The following WDFY2 variants were observed in gnomAD, a reference collection of about 807,000 sequenced individuals.
WDFY2 encodes the protein WD repeat and FYVE domain containing 2.
A neutral mutation model predicts 56.4 loss-of-function variants in WDFY2; 36 were observed. The observed-to-expected ratio is 0.64, with a 90% CI of 0.49 to 0.84. The LOEUF is 0.84. WDFY2 is among the 40% of genes least tolerant of loss of function. The pLI, the probability that WDFY2 is intolerant of heterozygous loss-of-function variation, is 0.00. For missense variants in WDFY2, 444 were observed against 512.2 expected (o/e 0.87, Z 1.29); for synonymous variants, 176 against 183.7 (o/e 0.96, Z 0.34).
intron 2 of WDFY2, among the ~76,000 whole-genome samples, chr13:51,665,774 G>A (rs1444960194): frequency 2.0e-5 from 3 of 152,186 alleles, no homozygotes; most frequent in Non-Finnish European, 4.4e-5. Context: ...GTGTGTTGGA[G>A]AATTGAAAAC....
intron 1 of WDFY2, among the ~76,000 whole-genome samples, chr13:51,608,558 T>C (rs1292467859): frequency 6.6e-6 from 1 of 152,210 alleles, no homozygotes; most frequent in Non-Finnish European, 1.5e-5. Flanking sequence ...GGCGCATGCC[T>C]GTAATCCAGC....
intron 3 of WDFY2, among the ~76,000 whole-genome samples, chr13:51,696,817 A>C (rs568208263): frequency 6.6e-6 from 1 of 152,360 alleles, no homozygotes; most frequent in East Asian, 1.9e-4. Context: ...GAAGTCATAA[A>C]CGAAAATATT....
intron 5 of WDFY2, among the ~76,000 whole-genome samples, chr13:51,726,508 A>ACT (rs1952608110): frequency 6.6e-6 from 1 of 151,990 alleles, no homozygotes; most frequent in African/African-American, 2.4e-5. Context: ...CTTGTTAGAG[A>ACT]CTCCATGCCT....
chr13:51,660,332 G>C (rs1292452655), intron 1 of WDFY2, among the ~76,000 whole-genome samples: 1 of 151,260 alleles, frequency 6.6e-6, no homozygotes, highest in South Asian at 2.1e-4. Context: ...GAGTAGATGG[G>C]ATTACAGGCG....
At chr13:51,619,172 G>GCCTACTTC (rs1172275804) in intron 1 of WDFY2, among the ~76,000 whole-genome samples, 9 of 152,196 alleles carry the variant, frequency 5.9e-5, no homozygotes. Flanking sequence ...AGAACTCGAG[G>GCCTACTTC]CTGCATGTGG....
intron 6 of WDFY2, 99 bp from the exon 7 acceptor site, chr13:51,738,950 C>T: frequency 1.5e-6 from 2 of 1,293,188 alleles, no homozygotes; most frequent in Non-Finnish European, 2.0e-6. Flanking sequence ...TATTGTATGC[C>T]AGGAACTGCA....
chr13:51,702,727 C>T (rs1367184477), intron 3 of WDFY2, among the ~76,000 whole-genome samples: 2 of 152,156 alleles, frequency 1.3e-5, no homozygotes, highest in Non-Finnish European at 2.9e-5. Context: ...ATCCTGTATG[C>T]TTCCAAATAT....
At chr13:51,659,787 A>G (rs1566085685) in intron 1 of WDFY2, among the ~76,000 whole-genome samples, 1 of 152,324 alleles carries the variant, frequency 6.6e-6, no homozygotes, top group East Asian at 1.9e-4. Context: ...AGAGCTTATA[A>G]TTACTTGAGC....
intron 1 of WDFY2, among the ~76,000 whole-genome samples, chr13:51,630,461 T>C (rs1257223106): frequency 6.6e-6 from 1 of 151,814 alleles, no homozygotes; most frequent in Non-Finnish European, 1.5e-5. Flanking sequence ...GAGTTCCCTT[T>C]CTTTCTTTTT....
At chr13:51,647,620 T>C (rs1161641153) in intron 1 of WDFY2, among the ~76,000 whole-genome samples, 1 of 151,966 alleles carries the variant, frequency 6.6e-6, no homozygotes, top group East Asian at 1.9e-4. Context: ...TAGCCAGGTA[T>C]GGTGGTGAGC....
chr13:51,718,093 G>A (rs1384045362), intron 4 of WDFY2, among the ~76,000 whole-genome samples: 3 of 152,180 alleles, frequency 2.0e-5, no homozygotes, highest in Admixed American at 6.5e-5. Context: ...CAGCAGAGCC[G>A]CATTTGTCCA....
rs1475292330 is a variant in WDFY2, at chr13:51,762,951, T to G, written c.*3182T>G. ...GTATCTTCACAATAGCAAAATGGTTTGAGATTAAGCATTTGGAATCTTATG... is the reference window on the plus strand; with the variant it reads ...GTATCTTCACAATAGCAAAATGGTTGGAGATTAAGCATTTGGAATCTTATG... On this transcript the variant is annotated 3_prime_UTR_variant, in exon 12 of 12. Transcript: ENST00000298125. The G allele has an allele frequency of 6.6e-6, 1 of 152,220 alleles. No individual in the cohort carries two copies. The highest frequency in any genetic ancestry group is 2.4e-5 in the African/African-American group (1 of 41,450). The allele number at this position is 152,220 out of a possible 1,614,324, so 9.4% of individuals were successfully genotyped here.
intron 1 of WDFY2, among the ~76,000 whole-genome samples, chr13:51,585,825 G>A (rs986116151): frequency 6.6e-6 from 1 of 152,166 alleles, no homozygotes; most frequent in Non-Finnish European, 1.5e-5. Flanking sequence ...ACTCAAAATT[G>A]AGAGGCTGAG....
At chr13:51,616,808 T>C (rs1016768293) in intron 1 of WDFY2, among the ~76,000 whole-genome samples, 1 of 152,258 alleles carries the variant, frequency 6.6e-6, no homozygotes, top group Non-Finnish European at 1.5e-5. Context: ...AACAGGGTAC[T>C]ATGAGATGAG....
At chr13:51,719,374 T>C in intron 5 of WDFY2, 26 bp downstream of exon 5, 4 of 1,533,582 alleles carry the variant, frequency 2.6e-6, no homozygotes, top group Non-Finnish European at 1.7e-6. Flanking sequence ...CAAAAATCTC[T>C]TAGTGGGAAC....
At chr13:51,695,668 C>G (rs1434917683) in intron 3 of WDFY2, among the ~76,000 whole-genome samples, 2 of 152,244 alleles carry the variant, frequency 1.3e-5, no homozygotes, top group East Asian at 3.8e-4. Context: ...TCTGCCTGTT[C>G]TCAGATCTCT....
chr13:51,695,908 G>A (rs559498722), intron 3 of WDFY2, among the ~76,000 whole-genome samples: 1 of 152,356 alleles, frequency 6.6e-6, no homozygotes, highest in South Asian at 2.1e-4. Flanking sequence ...CAGCCTTGCT[G>A]CCGCCTTGCA....
Position 51,708,764 on chromosome 13 carries a change from TAAG to T in WDFY2, c.334+5118_334+5120del, listed in dbSNP as rs1157529605. 2.0e-5 allele frequency among the ~76,000 whole-genome samples: 3 copies of T among 152,116 alleles called. No individual in the cohort carries two copies. The East Asian group carries it at 5.8e-4, about 29-fold the overall frequency. On this transcript the variant is annotated intron_variant, in intron 4 of 11. Coordinates refer to ENST00000298125, the MANE Select transcript of WDFY2 (RefSeq NM_052950.4). ...AAAGGTGAGACCCAAGTATAAACTA[TAAG>T]AAGTGTGTTTTACATATAAAGACAC...
At chr13:51,665,220 C>T (rs1250875026) in intron 2 of WDFY2, among the ~76,000 whole-genome samples, 2 of 152,206 alleles carry the variant, frequency 1.3e-5, no homozygotes, top group Non-Finnish European at 2.9e-5. Flanking sequence ...AATGAGAAAT[C>T]AGAGCCTTTC....
Sources: gnomAD v4.1 joint callset for allele counts (sites outside exome capture counted in the v4.1 genomes callset) on GRCh38, gnomAD v4.1.1 for gene constraint, MANE v1.5 for transcripts, NCBI Gene and HGNC (gene_info 2026-07-23, HGNC 2026-07-21) for gene names.